PCDHA6: variants seen among roughly 807,000 people sequenced by gnomAD.
PCDHA6 encodes protocadherin alpha-6.
A neutral mutation model predicts 60.3 loss-of-function variants in PCDHA6; 55 were observed. The observed-to-expected ratio is 0.91, with a 90% CI of 0.73 to 1.14. The LOEUF (loss-of-function observed/expected upper bound fraction) is 1.14. PCDHA6 is among the 50% of genes most tolerant of loss of function. The probability of loss-of-function intolerance (pLI) is 0.00; values close to 1 mark genes in which losing one functional copy is unlikely to be tolerated. For missense variants in PCDHA6, 1,327 were observed against 1,256.5 expected (o/e 1.06, Z -0.85); for synonymous variants, 652 against 557.9 (o/e 1.17, Z -2.38).
intron 1 of PCDHA6, among the ~76,000 whole-genome samples, chr5:140,894,631 A>G (rs1413513485): frequency 6.6e-6 from 1 of 151,582 alleles, no homozygotes; most frequent in Non-Finnish European, 1.5e-5. Flanking sequence ...TTCTCCAATC[A>G]TATCATTACT....
At chr5:140,926,554 G>A (rs2083344574) in intron 1 of PCDHA6, 1 of 237,224 alleles carries the variant, frequency 4.2e-6, no homozygotes, top group Non-Finnish European at 8.0e-6. Context: ...CGAGACCCCA[G>A]CCCGCTGCTA....
In PCDHA6 at chr5:140,857,821, T is replaced by G. The variant is rs782136833; in HGVS notation, c.2394+27336T>G. On this transcript the variant is annotated intron_variant, in intron 1 of 3. Transcript: ENST00000529310. The stretch of plus-strand genomic sequence containing the variant: ...CGGTGGTTGCGGGTCACGTGGTGGC[T>G]AAGGTGCGCGCAGTGGACGCTGACT... 1.3e-5 allele frequency: 21 copies of G among 1,597,530 alleles called. 3 individuals carry two copies. Among genetic ancestry groups the G allele is most frequent in the East Asian group, 2.2e-5 (1 of 44,830 alleles).
chr5:140,830,372 G>GGGGAGGGCCCACC lies in PCDHA6; in HGVS notation c.2282_2294dup (p.Lys766GlyfsTer12). 1 of 1,614,136 alleles carries GGGGAGGGCCCACC rather than the reference G, an allele frequency of 6.2e-7. No homozygotes were observed. The highest frequency in any genetic ancestry group is 8.5e-7 in the Non-Finnish European group (1 of 1,179,998). ...GCAGAGGCGGCAGAGGGTGTGCTCC[G>GGGGAGGGCCCACC]GGGAGGGCCCACCCAAGATGGATCT... On this transcript the variant is annotated frameshift_variant, in exon 1 of 4. Transcript: ENST00000529310. LOFTEE classifies it high-confidence loss of function.
chr5:140,858,776 C>T, intron 1 of PCDHA6: 1 of 420,692 alleles, frequency 2.4e-6, no homozygotes, highest in Non-Finnish European at 4.3e-6. Flanking sequence ...GAGATTAGTA[C>T]TTCATGTTAT....
At chr5:140,928,367 C>T (rs781897390) in intron 1 of PCDHA6, 1 of 1,614,170 alleles carries the variant, frequency 6.2e-7, no homozygotes, top group East Asian at 2.2e-5. Context: ...TCTGAAGGGC[C>T]ATCAGCCTCT....
At chr5:140,843,830 T>C (rs2150193091) in intron 1 of PCDHA6, 2 of 1,116,788 alleles carry the variant, frequency 1.8e-6, no homozygotes, top group East Asian at 2.4e-5. Flanking sequence ...TTAAACATTG[T>C]TTAGTTTTTA....
chr5:140,843,693 T>C, intron 1 of PCDHA6: 1 of 1,585,660 alleles, frequency 6.3e-7, no homozygotes, highest in Non-Finnish European at 8.6e-7. Context: ...GAGCAAGATT[T>C]AAATGTTGAT....
Position 140,969,610 on chromosome 5 carries a change from G to A in PCDHA6, c.2395-9339G>A, listed in dbSNP as rs1468528731. 9 of 723,424 alleles carry A rather than the reference G, an allele frequency of 1.2e-5. No individual in the cohort carries two copies. In the African/African-American group the frequency reaches 1.4e-4, roughly 11 times the overall value. The allele number at this position is 723,424 out of a possible 1,614,324, so 44.8% of individuals were successfully genotyped here. On this transcript the variant is annotated intron_variant, in intron 1 of 3. Transcript: ENST00000529310. ...TCTTAATATTTAATGCTAAAACACA[G>A]ATTTGTAGAGAAACAGGACAGGCCT...
At chr5:140,841,155 C>A in intron 1 of PCDHA6, 1 of 842,000 alleles carries the variant, frequency 1.2e-6, no homozygotes, top group Non-Finnish European at 1.8e-6. Flanking sequence ...TCGCTGTCTA[C>A]CAAGAAGTTC....
At chr5:140,835,832 C>T in intron 1 of PCDHA6, 1 of 1,612,382 alleles carries the variant, frequency 6.2e-7, no homozygotes, top group Non-Finnish European at 8.5e-7. Flanking sequence ...GGGACGCGGA[C>T]GCGCAGAAGA....
intron 1 of PCDHA6, chr5:140,863,299 G>T (rs868935823): frequency 1.4e-6 from 2 of 1,462,780 alleles, no homozygotes; most frequent in Non-Finnish European, 9.3e-7. Flanking sequence ...CCTGATCATC[G>T]CCATCTGCGT....
intron 1 of PCDHA6, among the ~76,000 whole-genome samples, chr5:140,975,537 C>T (rs1554236874): frequency 6.6e-6 from 1 of 152,166 alleles, no homozygotes; most frequent in African/African-American, 2.4e-5. Context: ...ATTCTTAATA[C>T]AGTCCTATTA....
intron 1 of PCDHA6, among the ~76,000 whole-genome samples, chr5:140,838,365 C>T (rs1775701079): frequency 6.7e-6 from 1 of 149,948 alleles, no homozygotes; most frequent in African/African-American, 2.5e-5. Context: ...CTCAAGTGAT[C>T]TGACTGCCTC....
Position 140,973,415 on chromosome 5 carries a change from A to C in PCDHA6, c.2395-5534A>C, listed in dbSNP as rs552618579. On this transcript the variant is annotated intron_variant, in intron 1 of 3. Coordinates refer to ENST00000529310, the MANE Select transcript of PCDHA6 (RefSeq NM_018909.4). ...AATCATATCTATGAGCTTCCACTCC[A>C]GTTTTTCATCCTCTGATGGTCACTT... Among the ~76,000 whole-genome samples the C allele has an allele frequency of 1.8e-3, 272 of 152,344 alleles. 1 individual carries two copies. Among genetic ancestry groups the C allele is most frequent in the Non-Finnish European group, 3.1e-3 (212 of 68,028 alleles).
At position 140,892,846 on chromosome 5, in the gene PCDHA6, A is replaced by G. The variant is rs1301960107; in HGVS notation, c.2394+62361A>G. Among the ~76,000 whole-genome samples, 3 of 152,112 alleles carry G rather than the reference A, an allele frequency of 2.0e-5. No homozygotes were observed. In the East Asian group the frequency reaches 5.8e-4, roughly 29 times the overall value. On this transcript the variant is annotated intron_variant, in intron 1 of 3. Transcript: ENST00000529310. ...TGCTACAGTGCTGCAAAACACCACA[A>G]CCCATTCCTCCTGTGTAGCTATAAT...
At chr5:140,893,219 G>T (rs1273209081) in intron 1 of PCDHA6, among the ~76,000 whole-genome samples, 1 of 152,194 alleles carries the variant, frequency 6.6e-6, no homozygotes. Context: ...GGAGGTGCAG[G>T]TATCACTTTG....
intron 1 of PCDHA6, chr5:140,857,918 G>T (rs1243844248): frequency 6.3e-7 from 1 of 1,597,708 alleles, no homozygotes; most frequent in Non-Finnish European, 8.6e-7. Context: ...GTTTCGCGTG[G>T]GGCTGTACAC....
At chr5:140,969,228 G>A in intron 1 of PCDHA6, 1 of 1,614,176 alleles carries the variant, frequency 6.2e-7, no homozygotes, top group Non-Finnish European at 8.5e-7. Flanking sequence ...GGGCCTTCGG[G>A]AGCCCAAGCA....
intron 1 of PCDHA6, chr5:140,967,436 C>T (rs781894469): frequency 6.2e-7 from 1 of 1,613,496 alleles, no homozygotes; most frequent in Non-Finnish European, 8.5e-7. Context: ...AGCCTTGCAC[C>T]ACCTGGTTCT....
Sources: gnomAD v4.1 joint callset for allele counts (sites outside exome capture counted in the v4.1 genomes callset) on GRCh38, gnomAD v4.1.1 for gene constraint, MANE v1.5 for transcripts, NCBI Gene and HGNC (gene_info 2026-07-23, HGNC 2026-07-21) for gene names.